Variants in PRKN observed in about 807,000 individuals in gnomAD.
PRKN encodes the protein E3 ubiquitin-protein ligase parkin.
PRKN carries 56 observed loss-of-function variants against 59.5 expected under a neutral mutation model. The ratio of observed to expected loss-of-function variants is 0.94; its 90% CI spans 0.76 to 1.18. PRKN has a LOEUF of 1.18. Ranked by LOEUF, PRKN falls within the 50% of genes most tolerant of loss-of-function variation. PRKN has a pLI of 0.00. For missense variants in PRKN, 657 were observed against 596.4 expected (o/e 1.10, Z -1.06); for synonymous variants, 250 against 222.1 (o/e 1.13, Z -1.12).
chr6:162,393,152 A>ATTTTTTTTTTTTTTTT (rs1369959830), intron 2 of PRKN, among the ~76,000 whole-genome samples: 60 of 78,036 alleles, frequency 7.7e-4, no homozygotes, highest in East Asian at 3.2e-3. Flanking sequence ...AGGATAGGAG[A>ATTTTTTTTTTTTTTTT]TTCTTTTTTT....
intron 7 of PRKN, among the ~76,000 whole-genome samples, chr6:161,627,702 C>T (rs1783145093): frequency 6.6e-6 from 1 of 152,192 alleles, no homozygotes; most frequent in Non-Finnish European, 1.5e-5. Flanking sequence ...GAGCAAATGG[C>T]CACATCTTTT....
chr6:162,197,271 A>G (rs1583184167), intron 4 of PRKN, among the ~76,000 whole-genome samples: 1 of 152,332 alleles, frequency 6.6e-6, no homozygotes, highest in East Asian at 1.9e-4. Flanking sequence ...GTGAATCAGT[A>G]GTGTGACTGG....
At chr6:161,988,509 A>G (rs1781523140) in intron 5 of PRKN, among the ~76,000 whole-genome samples, 1 of 151,960 alleles carries the variant, frequency 6.6e-6, no homozygotes, top group African/African-American at 2.4e-5. Context: ...AAAATAAAAT[A>G]AAATAAATAA....
chr6:162,673,782 C>T (rs1779429750), intron 1 of PRKN, among the ~76,000 whole-genome samples: 1 of 152,156 alleles, frequency 6.6e-6, no homozygotes, highest in Non-Finnish European at 1.5e-5. Context: ...GGAACCTGAG[C>T]TCATGCCAAC....
intron 2 of PRKN, among the ~76,000 whole-genome samples, chr6:162,378,163 T>G (rs1435654870): frequency 1.3e-5 from 2 of 152,216 alleles, no homozygotes; most frequent in African/African-American, 4.8e-5. Flanking sequence ...CTCCCCTTTC[T>G]TTCTATGTGT....
chr6:162,322,346 C>T (rs143044750), intron 2 of PRKN, among the ~76,000 whole-genome samples: 203 of 152,044 alleles, frequency 1.3e-3, no homozygotes, highest in African/African-American at 3.9e-3. Context: ...AATTGGAAGA[C>T]GTAACATTAT....
intron 4 of PRKN, among the ~76,000 whole-genome samples, chr6:162,109,666 A>G (rs1211497787): frequency 6.6e-6 from 1 of 152,214 alleles, no homozygotes; most frequent in African/African-American, 2.4e-5. Flanking sequence ...CTCCTCTGCT[A>G]TTTATAGTCT....
chr6:161,644,055 G>T (rs889748281), intron 7 of PRKN, among the ~76,000 whole-genome samples: 2 of 152,080 alleles, frequency 1.3e-5, no homozygotes, highest in Non-Finnish European at 2.9e-5. Context: ...CAACTGGTAG[G>T]GTCCCGCAGG....
At chr6:162,431,373 A>G (rs1414315191) in intron 2 of PRKN, among the ~76,000 whole-genome samples, 1 of 152,102 alleles carries the variant, frequency 6.6e-6, no homozygotes, top group Non-Finnish European at 1.5e-5. Context: ...AGTCCTTTAC[A>G]TTTAGTTATT....
chr6:162,430,792 C>T (rs1018550253), intron 2 of PRKN, among the ~76,000 whole-genome samples: 56 of 152,088 alleles, frequency 3.7e-4, no homozygotes, highest in Middle Eastern at 3.4e-3. Flanking sequence ...AAATGGAGTT[C>T]GTCCAAAGTA....
chr6:162,422,895 G>A (rs1223247001), intron 2 of PRKN, among the ~76,000 whole-genome samples: 4 of 141,716 alleles, frequency 2.8e-5, no homozygotes, highest in African/African-American at 7.9e-5. Context: ...GCAGTGAGCC[G>A]AGATCGCGCC....
intron 5 of PRKN, among the ~76,000 whole-genome samples, chr6:162,011,432 ATGT>A (rs1562459019): frequency 1.3e-4 from 3 of 23,174 alleles, no homozygotes; most frequent in African/African-American, 1.1e-3. Context: ...TATAATATAT[ATGT>A]TATATATTTA....
Position 161,584,307 on chromosome 6 carries a change from C to G in PRKN, c.872-14891G>C, listed in dbSNP as rs931482340. Among the ~76,000 whole-genome samples, 3 of 152,154 alleles carry G rather than the reference C, an allele frequency of 2.0e-5. No individual in the cohort carries two copies. The highest frequency in any genetic ancestry group is 7.2e-5 in the African/African-American group (3 of 41,430). On this transcript the variant is annotated intron_variant, in intron 7 of 11. Coordinates refer to ENST00000366898, the MANE Select transcript of PRKN (RefSeq NM_004562.3). The surrounding 1 kb of genome is among the most constrained non-coding windows in gnomAD (Gnocchi z 4.8). ...ATCAAATAGGACACCAGAGCCCAAC[C>G]TTTCTATTTCAGCTGGTGACTCATA... is the stretch of plus-strand genomic sequence containing the variant.
At chr6:161,521,414 A>G (rs1778821068) in intron 9 of PRKN, among the ~76,000 whole-genome samples, 2 of 152,248 alleles carry the variant, frequency 1.3e-5, no homozygotes, top group Non-Finnish European at 2.9e-5. Flanking sequence ...CATGGAAATT[A>G]TGCAGAAACT....
At chr6:162,678,644 G>A (rs1028654636) in intron 1 of PRKN, among the ~76,000 whole-genome samples, 6 of 152,162 alleles carry the variant, frequency 3.9e-5, no homozygotes, top group African/African-American at 1.4e-4. Context: ...TTATTGGGTT[G>A]TTTTAGTATT....
At chr6:162,727,338 A>ACGGTG in intron 1 of PRKN, 2 of 378,500 alleles carry the variant, frequency 5.3e-6, no homozygotes, top group Non-Finnish European at 9.4e-6. Flanking sequence ...CGGCGGGGAG[A>ACGGTG]AGGCTTCGGG....
rs112059293 is a variant in PRKN, at chr6:161,547,392, T to C, written c.1083+1462A>G. Among the ~76,000 whole-genome samples, 3 of 152,332 alleles carry C rather than the reference T, an allele frequency of 2.0e-5. No homozygotes were observed. The highest frequency in any genetic ancestry group is 7.2e-5 in the African/African-American group (3 of 41,582). On this transcript the variant is annotated intron_variant, in intron 9 of 11. Transcript: ENST00000366898. The surrounding 1 kb of genome is among the most constrained non-coding windows in gnomAD (Gnocchi z 4.0). ...CTTAAGTATGTATGTTATTTACTTA[T>C]AATTTACTTGTATAAAAAAGGGAAG...
At chr6:161,580,564 C>T (rs1431265967) in intron 7 of PRKN, among the ~76,000 whole-genome samples, 6 of 152,040 alleles carry the variant, frequency 3.9e-5, no homozygotes, top group African/African-American at 1.4e-4. Context: ...GCAACCTCTG[C>T]CTCCCAGGTT....
chr6:161,559,046 A>T (rs1426606471), intron 8 of PRKN, among the ~76,000 whole-genome samples: 2 of 79,950 alleles, frequency 2.5e-5, no homozygotes, highest in Non-Finnish European at 5.0e-5. Context: ...ATCAAACAAG[A>T]CCTAAAAAAA....
Sources: allele counts gnomAD v4.1 joint callset (sites outside exome capture counted in the v4.1 genomes callset), GRCh38; gene constraint gnomAD v4.1.1; non-coding constraint Gnocchi (gnomAD v3.1); transcripts MANE v1.5; gene names NCBI Gene and HGNC (gene_info 2026-07-23, HGNC 2026-07-21).